The following TMPRSS9 variants were observed in gnomAD, a reference collection of about 807,000 sequenced individuals.
The protein encoded by TMPRSS9 is transmembrane protease serine 9.
Under a neutral mutation model 111.4 loss-of-function variants are expected in TMPRSS9, and 113 were observed. The observed-to-expected ratio is 1.01, with a 90% CI of 0.87 to 1.19. The LOEUF is 1.19. Among genes scored for constraint, TMPRSS9 ranks in the 50% most tolerant of loss-of-function variants. The pLI, the probability that TMPRSS9 is intolerant of heterozygous loss-of-function variation, is 0.00. For missense variants in TMPRSS9, 1,803 were observed against 1,513.1 expected (o/e 1.19, Z -3.18); for synonymous variants, 805 against 659.1 (o/e 1.22, Z -3.39).
At chr19:2,399,098 A>G in exon 4 of TMPRSS9, 1 of 1,613,614 alleles carries the variant, frequency 6.2e-7, no homozygotes, top group Non-Finnish European at 8.5e-7. Context: ...CTGGGCCTGG[A>G]GGAGGAGCTA....
At chr19:2,403,026 A>C in intron 5 of TMPRSS9, 56 bp from the exon 7 acceptor site, 5 of 1,342,390 alleles carry the variant, frequency 3.7e-6, no homozygotes, top group Non-Finnish European at 5.3e-6. Context: ...ATGGTGCCTT[A>C]CTCCAACCAG....
chr19:2,409,007 A>C (rs1314094219), intron 8 of TMPRSS9, among the ~76,000 whole-genome samples: 1 of 137,242 alleles, frequency 7.3e-6, no homozygotes, highest in Non-Finnish European at 1.5e-5. Context: ...AATAATAATA[A>C]TAATAATAAT....
chr19:2,414,640 A>G (rs1971180239), intron 10 of TMPRSS9, among the ~76,000 whole-genome samples: 1 of 151,606 alleles, frequency 6.6e-6, no homozygotes, highest in Non-Finnish European at 1.5e-5. Flanking sequence ...TTTGGGAGGC[A>G]GAGGTGGGCA....
At chr19:2,401,733 G>A (rs928748373) in intron 4 of TMPRSS9, among the ~76,000 whole-genome samples, 4 of 151,196 alleles carry the variant, frequency 2.6e-5, no homozygotes, top group African/African-American at 4.9e-5. Context: ...TCAGCCTCCC[G>A]AGTAGCTGGG....
chr19:2,382,733 G>A (rs915696583), intron 1 of TMPRSS9, among the ~76,000 whole-genome samples: 5 of 149,440 alleles, frequency 3.3e-5, no homozygotes, highest in South Asian at 2.1e-4. Flanking sequence ...AGATACATAC[G>A]CACAAACGCA....
chr19:2,419,852 C>T (rs1201070240), intron 13 of TMPRSS9, among the ~76,000 whole-genome samples: 1 of 152,188 alleles, frequency 6.6e-6, no homozygotes, highest in African/African-American at 2.4e-5. Flanking sequence ...AGGGCTCAAC[C>T]GTGCACACAC....
At chr19:2,392,397 TAAAAAA>T (rs1464437101) in intron 1 of TMPRSS9, among the ~76,000 whole-genome samples, 1 of 147,666 alleles carries the variant, frequency 6.8e-6, no homozygotes, top group Non-Finnish European at 1.5e-5. Flanking sequence ...TGATAAAAAA[TAAAAAA>T]GAAAAAGAAA....
intron 1 of TMPRSS9, among the ~76,000 whole-genome samples, chr19:2,395,145 C>T (rs10408879): frequency 0.55 from 82,866 of 151,900 alleles, 24,935 homozygotes; most frequent in Middle Eastern, 0.71. Flanking sequence ...ACGCTGGGTG[C>T]AGTGGCTCAC....
intron 10 of TMPRSS9, chr19:2,414,233 C>T: frequency 2.0e-6 from 1 of 509,232 alleles, no homozygotes; most frequent in Admixed American, 3.5e-5. Flanking sequence ...GGCGATCTAT[C>T]AATGGGATAC....
intron 15 of TMPRSS9, 47 bp from the exon 17 acceptor site, chr19:2,424,954 CG>C (rs1568194720): frequency 2.8e-6 from 4 of 1,411,404 alleles, no homozygotes; most frequent in East Asian, 3.0e-5. Flanking sequence ...GGGCGGGGGC[CG>C]GGGGCGTGGG....
At chr19:2,423,326 A>AGCGGCT (rs1005707829) in intron 14 of TMPRSS9, among the ~76,000 whole-genome samples, 1 of 151,876 alleles carries the variant, frequency 6.6e-6, no homozygotes, top group Non-Finnish European at 1.5e-5. Flanking sequence ...TCCCAAGGAC[A>AGCGGCT]GCGGCTGCGG....
Position 2,391,237 on chromosome 19 carries a change from C to CAAAA in TMPRSS9, c.142+1329_142+1332dup, listed in dbSNP as rs10650164. ...CCTGGGCAACAGAGCAATTCCATCT[C>CAAAA]AAAAAAAAAAAAAAAAAAAAAAGTT... On this transcript the variant is annotated intron_variant, in intron 1 of 17. Transcript: ENST00000648592. Among the ~76,000 whole-genome samples the CAAAA allele has an allele frequency of 5.7e-3, 298 of 52,320 alleles. 18 individuals carry two copies. The highest frequency in any genetic ancestry group is 0.017 in the Middle Eastern group (1 of 60). 34.3% of individuals were successfully genotyped at this position (52,320 alleles called of 152,430 possible).
At position 2,415,522 on chromosome 19, in the gene TMPRSS9, T is replaced by A. The variant is rs1040714300; in HGVS notation, c.1574-148T>A. ...GACCTTGGGCAAACTACGGACACCTTGAAGCCTCCACGGCTTCTTGTGTGG... is the reference window on the plus strand; with the variant it reads ...GACCTTGGGCAAACTACGGACACCTAGAAGCCTCCACGGCTTCTTGTGTGG... On this transcript the variant is annotated intron_variant, in intron 10 of 17. Transcript: ENST00000648592. 20 of 726,924 alleles carry A rather than the reference T, an allele frequency of 2.8e-5. No homozygotes were observed. The African/African-American group carries it at 3.7e-4, about 13-fold the overall frequency. 45.0% of individuals were successfully genotyped at this position (726,924 alleles called of 1,614,324 possible).
intron 12 of TMPRSS9, 74 bp downstream of exon 13, chr19:2,416,883 A>T: frequency 1.3e-6 from 2 of 1,508,914 alleles, no homozygotes; most frequent in African/African-American, 2.7e-5. Context: ...CAGGATGGGC[A>T]TCTCTTACCT....
chr19:2,418,103 G>C, exon 13 of TMPRSS9: 10 of 1,612,142 alleles, frequency 6.2e-6, no homozygotes, highest in Non-Finnish European at 8.5e-6. Context: ...CATGATCTGC[G>C]CAGGCTTCCT....
intron 10 of TMPRSS9, 121 bp downstream of exon 11, chr19:2,414,139 G>A: frequency 9.4e-7 from 1 of 1,066,668 alleles, no homozygotes; most frequent in Non-Finnish European, 1.3e-6. Flanking sequence ...GGTCACATGT[G>A]TATCCGTTTA....
At chr19:2,395,263 C>CA (rs1970682742) in intron 1 of TMPRSS9, among the ~76,000 whole-genome samples, 1 of 151,794 alleles carries the variant, frequency 6.6e-6, no homozygotes, top group Non-Finnish European at 1.5e-5. Context: ...ACTAAAAATA[C>CA]AAAAAAACTA....
chr19:2,418,033 C>G, exon 13 of TMPRSS9: 1 of 1,612,090 alleles, frequency 6.2e-7, no homozygotes, highest in South Asian at 1.1e-5. Context: ...AGAAGGCGTC[C>G]GTGGGCATCA....
At chr19:2,406,183 T>C (rs567839852) in intron 7 of TMPRSS9, among the ~76,000 whole-genome samples, 2 of 148,214 alleles carry the variant, frequency 1.3e-5, no homozygotes, top group African/African-American at 5.0e-5. Flanking sequence ...GCTAATTTAA[T>C]TTTTTTTTGT....
Sources: allele counts gnomAD v4.1 joint callset (sites outside exome capture counted in the v4.1 genomes callset), GRCh38; gene constraint gnomAD v4.1.1; transcripts MANE v1.5; gene names NCBI Gene and HGNC (gene_info 2026-07-23, HGNC 2026-07-21).